The following UNC13C variants were observed in gnomAD, a reference collection of about 807,000 sequenced individuals.
UNC13C encodes the protein unc-13 homolog C.
A neutral mutation model predicts 245.4 loss-of-function variants in UNC13C; 174 were observed. That is an observed-to-expected ratio of 0.71 (90% CI 0.63 to 0.80). The LOEUF (loss-of-function observed/expected upper bound fraction) is 0.80, where lower values mean the gene tolerates loss of function less well. UNC13C is among the 30% of genes least tolerant of loss of function. The pLI is 0.00. For synonymous variants in UNC13C, 992 were observed against 895.1 expected (o/e 1.11, Z -1.93); for missense variants, 2,829 against 2,602.9 (o/e 1.09, Z -1.89).
intron 2 of UNC13C, among the ~76,000 whole-genome samples, chr15:54,124,105 GA>G (rs1162730955): frequency 6.6e-6 from 1 of 152,132 alleles, no homozygotes; most frequent in East Asian, 1.9e-4. Context: ...ATCTGTTAAT[GA>G]AAATTTTGGA....
intron 30 of UNC13C, among the ~76,000 whole-genome samples, chr15:54,589,244 A>G (rs1898643965): frequency 8.3e-6 from 1 of 120,140 alleles, no homozygotes; most frequent in Non-Finnish European, 1.7e-5. Context: ...AATGTTGAGC[A>G]TTTTGTCATA....
the UNC13C span, among the ~76,000 whole-genome samples, chr15:53,896,728 T>A: frequency 2.0e-5 from 3 of 152,164 alleles, no homozygotes; most frequent in South Asian, 6.2e-4. Flanking sequence ...CTGCTGTGGA[T>A]TTTTAGAAAA....
At chr15:54,364,672 T>C (rs1471778808) in intron 17 of UNC13C, among the ~76,000 whole-genome samples, 10 of 152,304 alleles carry the variant, frequency 6.6e-5, no homozygotes, top group African/African-American at 2.2e-4. Context: ...ATCCAAAACC[T>C]TTATGGAAAA....
chr15:53,852,099 G>A, the UNC13C span, among the ~76,000 whole-genome samples: 16 of 152,272 alleles, frequency 1.1e-4, no homozygotes, highest in African/African-American at 3.8e-4. Flanking sequence ...GTATCTGGAG[G>A]TAGGGACAGT....
intron 2 of UNC13C, among the ~76,000 whole-genome samples, chr15:54,084,576 G>A (rs1899133753): frequency 6.6e-6 from 1 of 152,100 alleles, no homozygotes; most frequent in Non-Finnish European, 1.5e-5. Flanking sequence ...ATCCTTTAAT[G>A]GGTCATTTCA....
chr15:54,122,181 A>G (rs1486137102), intron 2 of UNC13C, among the ~76,000 whole-genome samples: 1 of 151,810 alleles, frequency 6.6e-6, no homozygotes, highest in Non-Finnish European at 1.5e-5. Flanking sequence ...GTTAAATTGT[A>G]GAAATGATAA....
At chr15:53,969,956 A>G in the UNC13C span, among the ~76,000 whole-genome samples, 17 of 151,980 alleles carry the variant, frequency 1.1e-4, no homozygotes, top group African/African-American at 3.9e-4. Context: ...CTAGAATCAT[A>G]TAGTATGTTT....
At chr15:53,857,870 T>C in the UNC13C span, among the ~76,000 whole-genome samples, 1 of 152,214 alleles carries the variant, frequency 6.6e-6, no homozygotes, top group South Asian at 2.1e-4. Context: ...GGTGAGCTGA[T>C]GTTAAGATTT....
At chr15:54,051,616 G>T (rs192323233) in intron 2 of UNC13C, among the ~76,000 whole-genome samples, 5 of 151,614 alleles carry the variant, frequency 3.3e-5, no homozygotes, top group African/African-American at 1.2e-4. Context: ...ACTTCATTCC[G>T]TATGTTTCTG....
intron 30 of UNC13C, among the ~76,000 whole-genome samples, chr15:54,588,192 A>G (rs537061012): frequency 6.6e-6 from 1 of 152,312 alleles, no homozygotes; most frequent in Admixed American, 6.5e-5. Flanking sequence ...ATGGTTCATT[A>G]ATAGCAATGG....
At chr15:54,159,345 G>C (rs1455599178) in intron 4 of UNC13C, among the ~76,000 whole-genome samples, 2 of 152,218 alleles carry the variant, frequency 1.3e-5, no homozygotes, top group African/African-American at 2.4e-5. Flanking sequence ...GATGTGAGTG[G>C]AGAGGAAAAC....
the UNC13C span, among the ~76,000 whole-genome samples, chr15:53,864,860 G>A: frequency 1.3e-5 from 2 of 152,116 alleles, 1 homozygote; most frequent in Middle Eastern, 6.3e-3. Flanking sequence ...CATGCAATTC[G>A]GTTTGTAAGG....
intron 18 of UNC13C, among the ~76,000 whole-genome samples, chr15:54,396,139 A>AAAT (rs1360878776): frequency 6.6e-6 from 1 of 151,708 alleles, no homozygotes; most frequent in Non-Finnish European, 1.5e-5. Flanking sequence ...TCACATATTT[A>AAAT]AATAGTCTAA....
intron 2 of UNC13C, among the ~76,000 whole-genome samples, chr15:54,036,426 A>T (rs1448048437): frequency 2.0e-5 from 3 of 152,324 alleles, no homozygotes; most frequent in Non-Finnish European, 4.4e-5. Flanking sequence ...GAGGCCCAGA[A>T]ATGTTATGCA....
chr15:54,010,911 T>G (rs1208249230), intron 1 of UNC13C, among the ~76,000 whole-genome samples: 1 of 152,066 alleles, frequency 6.6e-6, no homozygotes, highest in Non-Finnish European at 1.5e-5. Flanking sequence ...TCAGGAAAAT[T>G]GCTAGGTTCT....
intron 22 of UNC13C, among the ~76,000 whole-genome samples, chr15:54,506,317 T>A (rs1894472907): frequency 6.6e-6 from 1 of 152,218 alleles, no homozygotes; most frequent in East Asian, 1.9e-4. Context: ...TATTCATACG[T>A]ACAAACGAAT....
chr15:53,920,594 C>A, the UNC13C span, among the ~76,000 whole-genome samples: 1 of 151,890 alleles, frequency 6.6e-6, no homozygotes, highest in South Asian at 2.1e-4. Context: ...TTTATAATTG[C>A]TAACTTGATT....
chr15:54,064,488 C>A (rs1374913816), intron 2 of UNC13C, among the ~76,000 whole-genome samples: 1 of 152,152 alleles, frequency 6.6e-6, no homozygotes, highest in Non-Finnish European at 1.5e-5. Flanking sequence ...ATTGAGTCTG[C>A]ACAGTTTCAT....
intron 15 of UNC13C, among the ~76,000 whole-genome samples, chr15:54,333,158 A>C (rs1254254872): frequency 2.0e-5 from 3 of 152,042 alleles, no homozygotes; most frequent in African/African-American, 4.8e-5. Flanking sequence ...CCAAAGTAAA[A>C]ATTGTTTCTT....
Sources: gnomAD v4.1 joint callset for allele counts (sites outside exome capture counted in the v4.1 genomes callset) on GRCh38, gnomAD v4.1.1 for gene constraint, MANE v1.5 for transcripts, NCBI Gene and HGNC (gene_info 2026-07-23, HGNC 2026-07-21) for gene names.